SLC13A4: variants seen among roughly 807,000 people sequenced by gnomAD.
The protein encoded by SLC13A4 is Na(+)/sulfate cotransporter SUT-1.
SLC13A4 carries 28 observed loss-of-function variants against 72.7 expected under a neutral mutation model. That is an observed-to-expected ratio of 0.39 (90% CI 0.29 to 0.53). The LOEUF (loss-of-function observed/expected upper bound fraction) is 0.53. Among genes scored for constraint, SLC13A4 ranks in the 20% least tolerant of loss-of-function variants. The probability of loss-of-function intolerance (pLI) is 0.78; values close to 1 mark genes in which losing one functional copy is unlikely to be tolerated. For synonymous variants in SLC13A4, 312 were observed against 325.5 expected (o/e 0.96, Z 0.45); for missense variants, 653 against 788.0 (o/e 0.83, Z 2.05).
At chr7:135,725,298 G>C (rs1052160195) in intron 1 of SLC13A4, among the ~76,000 whole-genome samples, 2 of 152,286 alleles carry the variant, frequency 1.3e-5, no homozygotes, top group African/African-American at 4.8e-5. Context: ...CCAACTTCAC[G>C]GGAAGGAGGT....
At chr7:135,727,364 C>T (rs1480992642) in intron 1 of SLC13A4, 34 bp downstream of exon 1, 5 of 1,544,514 alleles carry the variant, frequency 3.2e-6, no homozygotes, top group Non-Finnish European at 4.4e-6. Flanking sequence ...CCCACTGACT[C>T]CCAGACCCCC....
chr7:135,721,526 G>A lies in SLC13A4; in HGVS notation c.100-3C>T. 5 of 1,613,792 alleles carry A rather than the reference G, an allele frequency of 3.1e-6. No homozygotes were observed. Among genetic ancestry groups the A allele is most frequent in the African/African-American group, 1.3e-5 (1 of 75,052 alleles). ...AGCACGTAAGCACACGAGGCCTCCT[G>A]CAAGGCAAGGAAAGGGGCCGTCATT... On this transcript the variant is annotated splice_region_variant and splice_polypyrimidine_tract_variant and intron_variant, in intron 1 of 15. Coordinates refer to ENST00000682651, the MANE Select transcript of SLC13A4 (RefSeq NM_001318192.2).
chr7:135,693,394 A>AAT (rs1236170589), intron 10 of SLC13A4: 1 of 150,442 alleles, frequency 6.6e-6, no homozygotes, highest in Admixed American at 6.7e-5. Flanking sequence ...TTTACCAAAA[A>AAT]TACATAAGAG....
In SLC13A4 at chr7:135,696,892, T is replaced by C. The variant is rs376260356; in HGVS notation, c.900-1405A>G. ...TTAAATATTGTAGGCACTTCCTTTT[T>C]CTTGAAATACTTTCCTCCCTTGGGT... On this transcript the variant is annotated intron_variant, in intron 8 of 15. Coordinates refer to ENST00000682651, the MANE Select transcript of SLC13A4 (RefSeq NM_001318192.2). 3.3e-5 allele frequency among the ~76,000 whole-genome samples: 5 copies of C among 152,238 alleles called. No homozygotes were observed. The South Asian group carries it at 1.0e-3, about 32-fold the overall frequency.
chr7:135,718,096 C>T (rs1377478916), intron 2 of SLC13A4, among the ~76,000 whole-genome samples: 2 of 151,642 alleles, frequency 1.3e-5, no homozygotes, highest in Non-Finnish European at 2.9e-5. Context: ...CACGCGCGCG[C>T]GCGCACGCGT....
intron 2 of SLC13A4, among the ~76,000 whole-genome samples, chr7:135,712,640 A>G (rs1476433846): frequency 1.3e-5 from 2 of 152,182 alleles, no homozygotes; most frequent in African/African-American, 2.4e-5. Context: ...GTTTGAGGCC[A>G]TTAGCACACA....
intron 8 of SLC13A4, among the ~76,000 whole-genome samples, chr7:135,695,707 A>G (rs1795887207): frequency 6.6e-6 from 1 of 152,184 alleles, no homozygotes; most frequent in Admixed American, 6.5e-5. Flanking sequence ...AGGAATCAAA[A>G]CAACTAAAAT....
chr7:135,702,105 A>G (rs772124881), intron 6 of SLC13A4: 6 of 176,376 alleles, frequency 3.4e-5, no homozygotes, highest in Non-Finnish European at 5.9e-5. Context: ...GCAAGTCCAC[A>G]GTTTTTTGTT....
chr7:135,702,769 A>T, intron 6 of SLC13A4, 76 bp downstream of exon 6: 1 of 1,240,290 alleles, frequency 8.1e-7, no homozygotes, highest in Non-Finnish European at 1.2e-6. Flanking sequence ...TCTGGTTCTG[A>T]ATCTTGGGTT....
At chr7:135,726,572 GGGA>G (rs1276167592) in intron 1 of SLC13A4, among the ~76,000 whole-genome samples, 24 of 22,612 alleles carry the variant, frequency 1.1e-3, no homozygotes, top group Admixed American at 8.5e-3. Context: ...GAACAGCGGA[GGGA>G]AGGGAAGGGA....
At chr7:135,691,108 G>A in intron 13 of SLC13A4, 93 bp downstream of exon 13, 3 of 1,198,728 alleles carry the variant, frequency 2.5e-6, no homozygotes, top group Middle Eastern at 2.1e-4. Context: ...AGGTTGCAGT[G>A]AGCTGAGATT....
chr7:135,710,989 G>T (rs1348557178), intron 2 of SLC13A4, among the ~76,000 whole-genome samples: 1 of 151,872 alleles, frequency 6.6e-6, no homozygotes, highest in African/African-American at 2.4e-5. Context: ...TCATGGTGGT[G>T]GGGGCGGGGG....
chr7:135,686,254 C>CT (rs1439271877), intron 13 of SLC13A4, among the ~76,000 whole-genome samples: 1 of 152,188 alleles, frequency 6.6e-6, no homozygotes, highest in Non-Finnish European at 1.5e-5. Flanking sequence ...GGATAAAAGT[C>CT]TATTTCCACT....
chr7:135,727,638 C>T lies in SLC13A4; in HGVS notation c.-142G>A, dbSNP rs144663629. ...GTCCTCCTTCGTCTTGGGGGCAGAACGGGAGGGCAGTTATACCCTCGCTGT... is the reference window on the plus strand; with the variant it reads ...GTCCTCCTTCGTCTTGGGGGCAGAATGGGAGGGCAGTTATACCCTCGCTGT... On this transcript the variant is annotated 5_prime_UTR_variant, in exon 1 of 16. Coordinates refer to ENST00000682651, the MANE Select transcript of SLC13A4 (RefSeq NM_001318192.2). The T allele has an allele frequency of 1.1e-5, 12 of 1,067,622 alleles. No individual in the cohort carries two copies. The highest frequency in any genetic ancestry group is 2.7e-5 in the Admixed American group (1 of 37,170). The allele number at this position is 1,067,622 out of a possible 1,614,324, so 66.1% of individuals were successfully genotyped here.
At chr7:135,693,742 CAG>C (rs1273658033) in intron 10 of SLC13A4, among the ~76,000 whole-genome samples, 1 of 152,178 alleles carries the variant, frequency 6.6e-6, no homozygotes, top group Non-Finnish European at 1.5e-5. Flanking sequence ...AAATATAGCA[CAG>C]AGTCTCCCAT....
chr7:135,705,383 T>G, intron 5 of SLC13A4: 3 of 480,996 alleles, frequency 6.2e-6, no homozygotes, highest in East Asian at 3.1e-5. Context: ...TGCAACACTG[T>G]GGTTAAGGGA....
Position 135,694,221 on chromosome 7 carries a change from G to C in SLC13A4, c.1037C>G (p.Ser346Cys). The change falls in exon 10 of 16, where the codon TCT becomes TGT. Residue 346 changes from serine to cysteine, a missense_variant. Physicochemically the swap from Ser to Cys is moderately radical, Grantham distance 112. Transcript: ENST00000682651. The stretch of plus-strand genomic sequence containing the variant: ...TTTGGTCTTCTTCTTCTTGCTCAGA[G>C]AGCAGGTCTCTTTAAAACTGAGAAG... ...FLGCNFKETC[S>C]LSKKKKTKRE... 6.2e-7 allele frequency: 1 copy of C among 1,610,528 alleles called. No homozygotes were observed. Among genetic ancestry groups the C allele is most frequent in the Non-Finnish European group, 8.5e-7 (1 of 1,176,884 alleles).
At chr7:135,714,124 T>C (rs1454344467) in intron 2 of SLC13A4, among the ~76,000 whole-genome samples, 1 of 152,232 alleles carries the variant, frequency 6.6e-6, no homozygotes, top group African/African-American at 2.4e-5. Context: ...TGATTTGCAT[T>C]CCTGGTTCCA....
intron 4 of SLC13A4, 164 bp from the exon 5 acceptor site, chr7:135,705,814 C>A: frequency 1.5e-6 from 1 of 658,534 alleles, no homozygotes; most frequent in Non-Finnish European, 2.7e-6. Flanking sequence ...TGGATGCAGA[C>A]TGGCCCCAGG....
Sources: gnomAD v4.1 joint callset for allele counts (sites outside exome capture counted in the v4.1 genomes callset) on GRCh38, gnomAD v4.1.1 for gene constraint, MANE v1.5 for transcripts, NCBI Gene and HGNC (gene_info 2026-07-23, HGNC 2026-07-21) for gene names.